PNPLA3: variants seen among roughly 807,000 people sequenced by gnomAD.
PNPLA3 encodes patatin like domain 3, 1-acylglycerol-3-phosphate O-acyltransferase.
PNPLA3 carries 42 observed loss-of-function variants against 43.1 expected under a neutral mutation model. The ratio of observed to expected loss-of-function variants is 0.97; its 90% confidence interval spans 0.76 to 1.26. The LOEUF (loss-of-function observed/expected upper bound fraction) is 1.26. PNPLA3 is among the 50% of genes most tolerant of loss of function. The pLI is 0.00. For missense variants in PNPLA3, 647 were observed against 621.4 expected (o/e 1.04, Z -0.44); for synonymous variants, 272 against 253.6 (o/e 1.07, Z -0.69).
intron 7 of PNPLA3, among the ~76,000 whole-genome samples, chr22:43,944,029 G>T (rs2050047470): frequency 6.6e-6 from 1 of 151,928 alleles, no homozygotes; most frequent in South Asian, 2.1e-4. Flanking sequence ...CTCCTGACCT[G>T]CCTGCCTTGG....
chr22:43,944,624 A>G (rs561527469), intron 7 of PNPLA3, 67 bp from the exon 8 acceptor site: 2 of 1,307,234 alleles, frequency 1.5e-6, no homozygotes, highest in South Asian at 2.4e-5. Flanking sequence ...TTGTAAACAA[A>G]GGGTAGTGTT....
chr22:43,944,882 C>A, intron 8 of PNPLA3, 87 bp downstream of exon 8: 3 of 1,183,770 alleles, frequency 2.5e-6, no homozygotes, highest in South Asian at 1.3e-5. Flanking sequence ...AAACAGCTGG[C>A]TGAACACCAA....
At position 43,927,093 on chromosome 22, in the gene PNPLA3, A is replaced by G; in HGVS notation, c.346A>G (p.Ile116Val). ...CCAGCTCATCTCCGGCAAAATAGGC[A>G]TCTCTCTTACCAGAGTGTCTGATGG... is the stretch of plus-strand genomic sequence containing the variant. ...VHQLISGKIG[I>V]SLTRVSDGEN... Residue 116 changes from isoleucine to valine, a missense_variant, in exon 2 of 9, where the codon ATC (isoleucine) becomes GTC (valine). Coordinates refer to ENST00000216180, the MANE Select transcript of PNPLA3 (RefSeq NM_025225.3). 2.5e-6 allele frequency: 4 copies of G among 1,614,238 alleles called. No homozygotes were observed. The highest frequency in any genetic ancestry group is 3.4e-6 in the Non-Finnish European group (4 of 1,180,054).
intron 6 of PNPLA3, chr22:43,939,397 C>T (rs892858409): frequency 3.1e-6 from 3 of 981,996 alleles, no homozygotes; most frequent in African/African-American, 1.7e-5. Flanking sequence ...TCTGGAATGG[C>T]GACTTCCAAA....
intron 7 of PNPLA3, among the ~76,000 whole-genome samples, chr22:43,941,923 G>C (rs940824113): frequency 6.6e-6 from 1 of 152,202 alleles, no homozygotes; most frequent in Non-Finnish European, 1.5e-5. Context: ...GGTGTGAGGA[G>C]GTGCGAGTGC....
In PNPLA3 at chr22:43,946,253, G is replaced by A. The variant is rs1302286988; in HGVS notation, c.1317G>A (p.Glu439=). 6.2e-7 allele frequency: 1 copy of A among 1,614,190 alleles called. No homozygotes were observed. The highest frequency in any genetic ancestry group is 2.2e-5 in the East Asian group (1 of 44,874). Residue 439 remains glutamate (E), a synonymous_variant, in exon 9 of 9, where the codon GAG becomes GAA. Coordinates refer to ENST00000216180, the MANE Select transcript of PNPLA3 (RefSeq NM_025225.3). ...GCTCCCCCAAGGGCTGTCCAGCAGA[G>A]ACCAAAGCAGAGGCCACCCCGCGGT... ...TPCSPKGCPA[E]TKAEATPRSI... is the part of the protein sequence containing the mutation.
rs2049904918 is a variant in PNPLA3 at position 43,924,073 on chromosome 22, C to G, written c.162C>G (p.Val54=). The change falls in exon 1 of 9, where the codon GTC becomes GTG. Residue 54 remains valine (V), a synonymous_variant. Coordinates refer to ENST00000216180, the MANE Select transcript of PNPLA3 (RefSeq NM_025225.3). ...FGASAGALHC[V]GVLSGIPLEQ... is the part of the protein sequence containing the mutation. ...CTTCGGCCGGGGCGTTGCACTGCGTCGGCGTCCTCTCCGGTATCCCGCTGG... is the reference window on the plus strand; with the variant it reads ...CTTCGGCCGGGGCGTTGCACTGCGTGGGCGTCCTCTCCGGTATCCCGCTGG... The G allele has an allele frequency of 1.9e-6, 3 of 1,567,890 alleles. No individual in the cohort carries two copies. The highest frequency in any genetic ancestry group is 2.8e-5 in the African/African-American group (2 of 71,168).
chr22:43,940,158 A>G, intron 7 of PNPLA3, 33 bp downstream of exon 7: 2 of 1,600,814 alleles, frequency 1.2e-6, no homozygotes, highest in South Asian at 2.2e-5. Context: ...TGTCTTCCTC[A>G]CAGGGTTGAT....
intron 4 of PNPLA3, 40 bp downstream of exon 4, chr22:43,933,127 C>T: frequency 6.4e-7 from 1 of 1,562,382 alleles, no homozygotes; most frequent in Non-Finnish European, 8.8e-7. Context: ...TGGGGTGCAG[C>T]TCTTCTTTGC....
chr22:43,937,014 G>C, intron 5 of PNPLA3, 37 bp from the exon 6 acceptor site: 2 of 1,564,874 alleles, frequency 1.3e-6, no homozygotes, highest in South Asian at 1.1e-5. Flanking sequence ...CCACTCCCAC[G>C]TTCGCCTGAT....
intron 3 of PNPLA3, among the ~76,000 whole-genome samples, chr22:43,930,994 G>A (rs183399310): frequency 2.6e-5 from 4 of 152,306 alleles, no homozygotes; most frequent in Admixed American, 2.6e-4. Context: ...GGGCGTGGTG[G>A]CGGGCGCCTG....
At chr22:43,925,669 G>A (rs182661290) in intron 1 of PNPLA3, among the ~76,000 whole-genome samples, 1 of 152,288 alleles carries the variant, frequency 6.6e-6, no homozygotes, top group Non-Finnish European at 1.5e-5. Context: ...CTGGCTGTCT[G>A]CCTTCCCCTA....
chr22:43,924,824 T>C (rs950145391), intron 1 of PNPLA3, among the ~76,000 whole-genome samples: 2 of 151,926 alleles, frequency 1.3e-5, no homozygotes, highest in Non-Finnish European at 2.9e-5. Flanking sequence ...ATTTTTTGTA[T>C]TTTTTAGTAG....
chr22:43,927,110 G>A lies in PNPLA3; in HGVS notation c.363G>A (p.Val121=), dbSNP rs1485609048. ...SGKIGISLTR[V]SDGENVLVSD... is the part of the protein sequence containing the mutation. ...AAATAGGCATCTCTCTTACCAGAGT[G>A]TCTGATGGGGAAAACGTTCTGGTGT... Residue 121 remains valine, a synonymous_variant, in exon 2 of 9, where the codon GTG becomes GTA. Coordinates refer to ENST00000216180, the MANE Select transcript of PNPLA3 (RefSeq NM_025225.3). The A allele has an allele frequency of 6.2e-7, 1 of 1,614,136 alleles. No individual in the cohort carries two copies. Among genetic ancestry groups the A allele is most frequent in the Non-Finnish European group, 8.5e-7 (1 of 1,180,056 alleles).
chr22:43,942,877 T>A (rs900541702), intron 7 of PNPLA3, among the ~76,000 whole-genome samples: 10 of 152,082 alleles, frequency 6.6e-5, no homozygotes, highest in Non-Finnish European at 1.0e-4. Context: ...AAATATTTTT[T>A]AAAAATTTTG....
At chr22:43,924,644 CT>C (rs1242792631) in intron 1 of PNPLA3, among the ~76,000 whole-genome samples, 3 of 151,272 alleles carry the variant, frequency 2.0e-5, no homozygotes, top group African/African-American at 4.8e-5. Flanking sequence ...CTTTTCTTTT[CT>C]TTTTTTCTTT....
chr22:43,932,761 C>A, intron 3 of PNPLA3, 117 bp from the exon 4 acceptor site: 2 of 847,100 alleles, frequency 2.4e-6, no homozygotes, highest in Admixed American at 2.1e-5. Flanking sequence ...GTCCTCCCTC[C>A]ATATCAGCCT....
rs374745318 is a variant in PNPLA3 at position 43,937,235 on chromosome 22, G to C, written c.942G>C (p.Glu314Asp). ...HLRLSILPWDESILDTLSPRL... is the reference protein window; with the variant it reads ...HLRLSILPWDDSILDTLSPRL... Reference sequence around the variant, plus strand: ...GTCTCAGCATCCTGCCCTGGGATGAGAGCATCCTGGACACCCTCTCGCCCA... The same window carrying C: ...GTCTCAGCATCCTGCCCTGGGATGACAGCATCCTGGACACCCTCTCGCCCA... The change falls in exon 6 of 9, where the codon GAG (glutamate) becomes GAC (aspartate). Residue 314 changes from glutamate (E) to aspartate (D), a missense_variant. Glu to Asp is a conservative substitution (Grantham distance 45). Transcript: ENST00000216180. The C allele has an allele frequency of 2.5e-6, 4 of 1,614,042 alleles. No individual in the cohort carries two copies. Among genetic ancestry groups the C allele is most frequent in the East Asian group, 2.2e-5 (1 of 44,886 alleles).
Position 43,946,465 on chromosome 22 carries a change from T to C in PNPLA3, c.*83T>C, listed in dbSNP as rs995874006. 68 of 1,309,292 alleles carry C rather than the reference T, an allele frequency of 5.2e-5. No homozygotes were observed. Among genetic ancestry groups the C allele is most frequent in the Middle Eastern group, 1.8e-4 (1 of 5,466 alleles). 81.1% of individuals were successfully genotyped at this position (1,309,292 alleles called of 1,614,324 possible). A position where few individuals can be genotyped will look rare whatever the true frequency, so the allele number is the denominator to read the frequency against. On this transcript the variant is annotated 3_prime_UTR_variant, in exon 9 of 9. Coordinates refer to ENST00000216180, the MANE Select transcript of PNPLA3 (RefSeq NM_025225.3). Reference sequence around the variant, plus strand: ...TTGTGCAGCTACCTCCGCATTGCTGTGTAGTGACCCCTGCCTGTGACGTGG... The same window carrying C: ...TTGTGCAGCTACCTCCGCATTGCTGCGTAGTGACCCCTGCCTGTGACGTGG...
Sources: allele counts gnomAD v4.1 joint callset (sites outside exome capture counted in the v4.1 genomes callset), GRCh38; gene constraint gnomAD v4.1.1; transcripts MANE v1.5; gene names NCBI Gene and HGNC (gene_info 2026-07-23, HGNC 2026-07-21).